GSTCD: variants seen among roughly 807,000 people sequenced by gnomAD.
The protein encoded by GSTCD is glutathione S-transferase C-terminal domain-containing protein.
GSTCD carries 44 observed loss-of-function variants against 68.3 expected under a neutral mutation model. That is an observed-to-expected ratio of 0.64 (90% CI 0.51 to 0.83). The LOEUF (loss-of-function observed/expected upper bound fraction) is 0.83, where lower values mean the gene tolerates loss of function less well. Ranked by LOEUF, GSTCD falls within the 40% of genes least tolerant of loss-of-function variation. The pLI, the probability that GSTCD is intolerant of heterozygous loss-of-function variation, is 0.00. For missense variants in GSTCD, 739 were observed against 735.9 expected, an observed-to-expected ratio of 1.00 and a Z score of -0.05; for synonymous variants, 273 against 255.2, an observed-to-expected ratio of 1.07 and a Z score of -0.67.
intron 5 of GSTCD, among the ~76,000 whole-genome samples, chr4:105,801,787 C>T (rs1367160781): frequency 6.6e-6 from 1 of 151,722 alleles, no homozygotes; most frequent in Non-Finnish European, 1.5e-5. Flanking sequence ...ATTATCTGCA[C>T]CAAGATTACA....
At chr4:105,741,974 G>T (rs1015009842) in intron 5 of GSTCD, among the ~76,000 whole-genome samples, 2 of 152,176 alleles carry the variant, frequency 1.3e-5, no homozygotes, top group Non-Finnish European at 2.9e-5. Flanking sequence ...GAGGATCACT[G>T]TGAAAACATT....
In GSTCD at chr4:105,823,290, A is replaced by T. The variant is rs1490035774; in HGVS notation, c.1401+15A>T. On this transcript the variant is annotated intron_variant, in intron 7 of 11. Coordinates refer to ENST00000515279, the MANE Select transcript of GSTCD (RefSeq NM_001370181.1). ...CATCATGTCAGGTAAAGCCAGAATA[A>T]GAGATAAAAGGAAATATTTTAAAAT... 6.2e-7 allele frequency: 1 copy of T among 1,612,398 alleles called. No individual in the cohort carries two copies. Among genetic ancestry groups the T allele is most frequent in the Non-Finnish European group, 8.5e-7 (1 of 1,178,592 alleles).
intron 5 of GSTCD, among the ~76,000 whole-genome samples, chr4:105,817,581 C>T (rs917002843): frequency 1.3e-5 from 2 of 151,710 alleles, no homozygotes; most frequent in African/African-American, 4.8e-5. Flanking sequence ...TAGTAGCCTC[C>T]AATTGGCTTT....
intron 5 of GSTCD, among the ~76,000 whole-genome samples, chr4:105,801,632 A>C (rs10049527): frequency 0.21 from 31,439 of 151,860 alleles, 6,681 homozygotes; most frequent in African/African-American, 0.54. Flanking sequence ...GTTCATCAAT[A>C]TATTGTTTGA....
intron 5 of GSTCD, among the ~76,000 whole-genome samples, chr4:105,765,794 T>C (rs1242834975): frequency 6.6e-6 from 1 of 152,080 alleles, no homozygotes; most frequent in Non-Finnish European, 1.5e-5. Flanking sequence ...TCTCATGAGA[T>C]CTGATGGTTT....
At chr4:105,802,759 T>C (rs1230150290) in intron 5 of GSTCD, among the ~76,000 whole-genome samples, 1 of 152,108 alleles carries the variant, frequency 6.6e-6, no homozygotes, top group Non-Finnish European at 1.5e-5. Flanking sequence ...TTTTCTGCAA[T>C]AGTAATCTGC....
intron 1 of GSTCD, among the ~76,000 whole-genome samples, chr4:105,716,445 T>TA (rs1481505266): frequency 6.6e-6 from 1 of 152,188 alleles, no homozygotes; most frequent in Non-Finnish European, 1.5e-5. Context: ...GGCCCAGGAC[T>TA]AGTATCCATC....
At chr4:105,735,119 CG>C (rs1193124654) in intron 5 of GSTCD, among the ~76,000 whole-genome samples, 1 of 152,178 alleles carries the variant, frequency 6.6e-6, no homozygotes. Context: ...TTAGGCTACT[CG>C]GGGGGTCAGG....
At chr4:105,756,829 A>G (rs553923034) in intron 5 of GSTCD, among the ~76,000 whole-genome samples, 1 of 152,212 alleles carries the variant, frequency 6.6e-6, no homozygotes, top group Non-Finnish European at 1.5e-5. Flanking sequence ...ACCTCGTGAG[A>G]GTAAGTTACA....
At chr4:105,716,408 T>C (rs937084338) in intron 1 of GSTCD, among the ~76,000 whole-genome samples, 1 of 152,160 alleles carries the variant, frequency 6.6e-6, no homozygotes, top group African/African-American at 2.4e-5. Context: ...ATGTACCTAG[T>C]GTTTTAGCAA....
chr4:105,758,660 T>C (rs1578443826), intron 5 of GSTCD, among the ~76,000 whole-genome samples: 1 of 152,200 alleles, frequency 6.6e-6, no homozygotes, highest in African/African-American at 2.4e-5. Flanking sequence ...TATTTCTTTA[T>C]AGTAGTGCAA....
At chr4:105,780,753 A>C (rs1465006639) in intron 5 of GSTCD, among the ~76,000 whole-genome samples, 1 of 152,210 alleles carries the variant, frequency 6.6e-6, no homozygotes, top group Non-Finnish European at 1.5e-5. Flanking sequence ...TTGCTTGAAT[A>C]GTCAAGTATT....
intron 5 of GSTCD, among the ~76,000 whole-genome samples, chr4:105,779,411 A>C (rs1157179541): frequency 6.6e-6 from 1 of 152,210 alleles, no homozygotes; most frequent in Non-Finnish European, 1.5e-5. Context: ...GTAAAACATA[A>C]ATTTTGGAAA....
intron 5 of GSTCD, among the ~76,000 whole-genome samples, chr4:105,814,369 T>G (rs1244187375): frequency 6.6e-6 from 1 of 152,150 alleles, no homozygotes; most frequent in East Asian, 1.9e-4. Context: ...TCCCAGCACT[T>G]TGGGAGGCCG....
chr4:105,845,430 CTG>C lies in GSTCD; in HGVS notation c.1766-7_1766-6del. The C allele has an allele frequency of 6.2e-7, 1 of 1,613,988 alleles. No individual in the cohort carries two copies. The highest frequency in any genetic ancestry group is 8.5e-7 in the Non-Finnish European group (1 of 1,179,948). On this transcript the variant is annotated splice_polypyrimidine_tract_variant and intron_variant, in intron 11 of 11. Transcript: ENST00000515279. ...AAGGGTGTCTCATGATACCATTTGA[CTG>C]TGTTTCAGGAAAACAGTGCATGTGC...
chr4:105,842,249 A>T (rs1724380977), intron 11 of GSTCD, 115 bp downstream of exon 11: 1 of 724,886 alleles, frequency 1.4e-6, no homozygotes. Context: ...TTTCAATGAG[A>T]AACTAAATAT....
chr4:105,838,446 T>C, intron 10 of GSTCD, among the ~76,000 whole-genome samples: 1 of 152,270 alleles, frequency 6.6e-6, no homozygotes, highest in East Asian at 1.9e-4. Flanking sequence ...CAAGTATTCC[T>C]CTCATTGTCC....
intron 5 of GSTCD, among the ~76,000 whole-genome samples, chr4:105,767,465 G>A (rs866357595): frequency 2.8e-5 from 4 of 141,140 alleles, no homozygotes; most frequent in African/African-American, 1.1e-4. Context: ...CATTTAGTTG[G>A]TGAGTTATGG....
At chr4:105,798,953 C>T (rs1357046222) in intron 5 of GSTCD, among the ~76,000 whole-genome samples, 1 of 152,194 alleles carries the variant, frequency 6.6e-6, no homozygotes, top group African/African-American at 2.4e-5. Context: ...GCTAGTTTAT[C>T]TACATTGAAA....
Sources: allele counts gnomAD v4.1 joint callset (sites outside exome capture counted in the v4.1 genomes callset), GRCh38; gene constraint gnomAD v4.1.1; transcripts MANE v1.5; gene names NCBI Gene and HGNC (gene_info 2026-07-23, HGNC 2026-07-21).